The following SULT1A1 variants were observed in gnomAD, a reference collection of about 807,000 sequenced individuals.
The protein encoded by SULT1A1 is sulfotransferase family 1A member 1, also known as sulfotransferase 1A1.
A neutral mutation model predicts 36.8 loss-of-function variants in SULT1A1; 35 were observed. That is an observed-to-expected ratio of 0.95 (90% CI 0.73 to 1.26). SULT1A1 has a LOEUF of 1.26. Ranked by LOEUF, SULT1A1 falls within the 50% of genes most tolerant of loss-of-function variation. The pLI, the probability that SULT1A1 is intolerant of heterozygous loss-of-function variation, is 0.00. For missense variants in SULT1A1, 309 were observed against 383.0 expected (o/e 0.81, Z 1.61); for synonymous variants, 119 against 146.0 (o/e 0.82, Z 1.33).
chr16:28,605,671 G>A lies in SULT1A1; in HGVS notation c.*150C>T. ...TGCCCAGGTTGGTCTCGAACTCCTG[G>A]GCTCAAATGATCCTCCCACCTCAGC... On this transcript the variant is annotated 3_prime_UTR_variant, in exon 8 of 8. Coordinates refer to ENST00000314752, the MANE Select transcript of SULT1A1 (RefSeq NM_001055.4). 1 of 1,371,230 alleles carries A rather than the reference G, an allele frequency of 7.3e-7. No homozygotes were observed. The allele number at this position is 1,371,230 out of a possible 1,614,324, so 84.9% of individuals were successfully genotyped here.
At chr16:28,623,327 C>A in exon 1 of SULT1A1, 1 of 1,518,536 alleles carries the variant, frequency 6.6e-7, no homozygotes, top group South Asian at 1.2e-5. Flanking sequence ...AGCGGCCCTG[C>A]AGCCGTTGCT....
At chr16:28,623,098 C>CCCCCCCCCCCGGGTG in intron 1 of SULT1A1, 3 of 1,119,088 alleles carry the variant, frequency 2.7e-6, no homozygotes, top group Non-Finnish European at 3.9e-6. Context: ...CAATACTGGT[C>CCCCCCCCCCCGGGTG]CCACCCCCCA....
At position 28,608,557 on chromosome 16, in the gene SULT1A1, A is replaced by C. The variant is rs770549134; in HGVS notation, c.195T>G (p.Gly65=). The C allele has an allele frequency of 1.9e-6, 3 of 1,612,194 alleles. No homozygotes were observed. Among genetic ancestry groups the C allele is most frequent in the Admixed American group, 3.3e-5 (2 of 59,880 alleles). The change falls in exon 3 of 8, where the codon GGT becomes GGG. Residue 65 remains glycine, a synonymous_variant. Coordinates refer to ENST00000314752, the MANE Select transcript of SULT1A1 (RefSeq NM_001055.4). ...SQILDMIYQG[G]DLEKCHRAPI... ...GAGCTCGGTGACACTTCTCCAGGTC[A>C]CCACCCTGGTAGATCATGTCCAGAA...
rs1324497248 is a variant in SULT1A1 at position 28,608,777 on chromosome 16, C to T, written c.79G>A (p.Ala27Thr). 6.2e-7 allele frequency: 1 copy of T among 1,612,490 alleles called. No individual in the cohort carries two copies. The highest frequency in any genetic ancestry group is 1.7e-5 in the Admixed American group (1 of 59,922). Residue 27 changes from alanine (A) to threonine (T), a missense_variant, in exon 2 of 8, where the codon GCA becomes ACA. Physicochemically the swap from Ala to Thr is moderately conservative, Grantham distance 58. This residue lies in a region of SULT1A1 where 23 missense variants were observed against 45.7 expected (regional missense o/e 0.50). Transcript: ENST00000314752. ...TGGAAGCTCTGCAGGGGCCCCAGTG[C>T]CTCTGCAAAGTACTTGATGAGCGGG... ...GVPLIKYFAE[A>T]LGPLQSFQAR...
chr16:28,606,259 G>A lies in SULT1A1; in HGVS notation c.595-23C>T, dbSNP rs772592716. On this transcript the variant is annotated intron_variant, in intron 6 of 7. Transcript: ENST00000314752. ...GTTCTGAGCAGCAGAGGGCCCCTCA[G>A]TGGAGGCTCGGATTACTGATTCAGG... 34 of 1,611,136 alleles carry A rather than the reference G, an allele frequency of 2.1e-5. 1 individual carries two copies. Among genetic ancestry groups the A allele is most frequent in the Admixed American group, 6.7e-5 (4 of 59,628 alleles).
upstream of SULT1A1, chr16:28,610,262 CTGTTTT>C: frequency 5.4e-5 from 13 of 239,668 alleles, no homozygotes; most frequent in Admixed American, 1.3e-4. Context: ...TTTTTTTTTT[CTGTTTT>C]TTTTTTTTTT....
chr16:28,606,934 C>G lies in SULT1A1; in HGVS notation c.499+17G>C, dbSNP rs140504750. On this transcript the variant is annotated intron_variant, in intron 5 of 7. Transcript: ENST00000314752. Reference sequence around the variant, plus strand: ...CACCCCTTAGCTCCACACTTTCCTTCCTCCCATCAAACCCACCTTCTCCGA... The same window carrying G: ...CACCCCTTAGCTCCACACTTTCCTTGCTCCCATCAAACCCACCTTCTCCGA... The G allele has an allele frequency of 7.8e-4, 1,252 of 1,612,404 alleles. 12 individuals carry two copies. The African/African-American group carries it at 0.015, about 20-fold the overall frequency.
At chr16:28,615,537 C>T (rs1284802501) in intron 2 of SULT1A1, among the ~76,000 whole-genome samples, 1 of 149,456 alleles carries the variant, frequency 6.7e-6, no homozygotes, top group African/African-American at 2.5e-5. Flanking sequence ...AGGCCAACCC[C>T]GAGACAGACC....
chr16:28,616,922 G>A (rs969411583), intron 2 of SULT1A1, among the ~76,000 whole-genome samples: 4 of 152,134 alleles, frequency 2.6e-5, no homozygotes, highest in African/African-American at 9.7e-5. Context: ...TGGGCATACC[G>A]TGGTGCTTTA....
chr16:28,621,524 G>GAAGAAGAA (rs1870824237), intron 1 of SULT1A1, among the ~76,000 whole-genome samples: 2 of 130,150 alleles, frequency 1.5e-5, no homozygotes, highest in Non-Finnish European at 3.3e-5. Context: ...AGAAGAAGAA[G>GAAGAAGAA]AAGAAAAGAA....
At chr16:28,607,875 G>A (rs1427970295) in intron 4 of SULT1A1, 2 of 155,192 alleles carry the variant, frequency 1.3e-5, no homozygotes, top group African/African-American at 4.8e-5. Context: ...ATGTTTCCCG[G>A]GCTGGTCTGT....
intron 1 of SULT1A1, among the ~76,000 whole-genome samples, chr16:28,620,396 T>A (rs1474311196): frequency 2.0e-4 from 31 of 151,598 alleles, no homozygotes; most frequent in Admixed American, 2.0e-3. Context: ...CAAAACCTCA[T>A]CTCTATAAAA....
chr16:28,609,466 C>G, intron 1 of SULT1A1: 1 of 1,208,682 alleles, frequency 8.3e-7, no homozygotes, highest in South Asian at 1.3e-5. Flanking sequence ...ACTCTGATGA[C>G]TCAGCAAAAG....
intron 2 of SULT1A1, among the ~76,000 whole-genome samples, chr16:28,619,815 AATC>A (rs2047615344): frequency 6.6e-6 from 1 of 151,650 alleles, no homozygotes; most frequent in African/African-American, 2.4e-5. Flanking sequence ...AAATGTATCA[AATC>A]ATCACATGTA....
chr16:28,608,513 G>A lies in SULT1A1; in HGVS notation c.239C>T (p.Pro80Leu). 6.2e-7 allele frequency: 1 copy of A among 1,612,480 alleles called. No homozygotes were observed. Among genetic ancestry groups the A allele is most frequent in the Non-Finnish European group, 8.5e-7 (1 of 1,178,694 alleles). The part of the protein sequence containing the change: ...CHRAPIFMRV[P>L]FLEFKAPGIP... ...CCCTGGGGCTTTGAACTCAAGGAAG[G>A]GCACCCGCATGAAGATGGGAGCTCG... The change falls in exon 3 of 8, where the codon CCC (proline) becomes CTC (leucine). Residue 80 changes from proline (P) to leucine (L), a missense_variant. By Grantham distance (98) the Pro-to-Leu change is moderately conservative (BLOSUM62 -3). Transcript: ENST00000314752.
intron 1 of SULT1A1, among the ~76,000 whole-genome samples, chr16:28,622,855 G>A (rs184302769): frequency 1.3e-5 from 2 of 152,096 alleles, no homozygotes; most frequent in Non-Finnish European, 2.9e-5. Context: ...CCCGACCCTA[G>A]TCCTCTAAAT....
At chr16:28,617,978 G>C (rs574935608) in intron 2 of SULT1A1, among the ~76,000 whole-genome samples, 7 of 151,220 alleles carry the variant, frequency 4.6e-5, no homozygotes, top group African/African-American at 1.7e-4. Context: ...AAATATTCCT[G>C]CGGTTTTGTT....
At chr16:28,618,765 A>AT (rs2047595794) in intron 2 of SULT1A1, among the ~76,000 whole-genome samples, 1 of 152,140 alleles carries the variant, frequency 6.6e-6, no homozygotes, top group East Asian at 1.9e-4. Flanking sequence ...TACCTTTGTG[A>AT]TGTTAAAGTT....
chr16:28,609,912 G>C lies in SULT1A1; in HGVS notation c.-5+19C>G, dbSNP rs753864163. 1 of 1,281,830 alleles carries C rather than the reference G, an allele frequency of 7.8e-7. No homozygotes were observed. The highest frequency in any genetic ancestry group is 1.5e-5 in the African/African-American group (1 of 65,768). The allele number at this position is 1,281,830 out of a possible 1,614,324, so 79.4% of individuals were successfully genotyped here. The stretch of plus-strand genomic sequence containing the variant: ...GAGCAGGGTGAGGGCGCCCTGGGCC[G>C]TTCCACTGTGTCACTCACCTGAGCT... On this transcript the variant is annotated intron_variant, in intron 1 of 7. Transcript: ENST00000314752.
Sources: allele counts gnomAD v4.1 joint callset (sites outside exome capture counted in the v4.1 genomes callset), GRCh38; gene constraint gnomAD v4.1.1; regional missense constraint gnomAD v4.1.1; transcripts MANE v1.5; gene names NCBI Gene and HGNC (gene_info 2026-07-23, HGNC 2026-07-21).